Variants in MX2 observed in about 807,000 individuals in gnomAD.
MX2 encodes interferon-induced GTP-binding protein Mx2.
In MX2, 51 loss-of-function variants were observed where a neutral mutation model predicts 74.0. The ratio of observed to expected loss-of-function variants is 0.69; its 90% CI spans 0.55 to 0.87. The LOEUF (loss-of-function observed/expected upper bound fraction) is 0.87. Among genes scored for constraint, MX2 ranks in the 40% least tolerant of loss-of-function variants. The pLI, the probability that MX2 is intolerant of heterozygous loss-of-function variation, is 0.00. For missense variants in MX2, 832 were observed against 908.7 expected, an observed-to-expected ratio of 0.92 and a Z score of 1.09; for synonymous variants, 369 against 339.3, an observed-to-expected ratio of 1.09 and a Z score of -0.96.
At chr21:41,377,186 G>T (rs768163312) in intron 2 of MX2, 31 bp downstream of exon 2, 2 of 1,610,446 alleles carry the variant, frequency 1.2e-6, no homozygotes, top group South Asian at 1.1e-5. Context: ...TTCAGAAAGG[G>T]TGCATTCTGG....
rs573200002 is a variant in MX2, at chr21:41,363,570, G to A, written c.-72+1515G>A. Reference sequence around the variant, plus strand: ...ACAAGCGGTCTTAAAAAGAAAGGAGGTGAGCCCGGGGAGATAAGGTCGCAT... The same window carrying A: ...ACAAGCGGTCTTAAAAAGAAAGGAGATGAGCCCGGGGAGATAAGGTCGCAT... On this transcript the variant is annotated intron_variant, in intron 1 of 13. Transcript: ENST00000330714. The surrounding 1 kb of genome is among the most constrained non-coding windows in gnomAD (Gnocchi z 4.2). 1 of 153,970 alleles carries A rather than the reference G, an allele frequency of 6.5e-6. No homozygotes were observed. Among genetic ancestry groups the A allele is most frequent in the South Asian group, 2.0e-4 (1 of 4,880 alleles). 9.5% of individuals were successfully genotyped at this position (153,970 alleles called of 1,614,324 possible).
chr21:41,374,054 CGCCACACATGACA>C (rs1568932761), intron 1 of MX2: 1 of 152,510 alleles, frequency 6.6e-6, no homozygotes, highest in African/African-American at 2.4e-5. Flanking sequence ...CAGAGACCAG[CGCCACACATGACA>C]GCCACACATG....
intron 1 of MX2, 142 bp from the exon 2 acceptor site, chr21:41,376,694 G>A: frequency 1.6e-6 from 1 of 611,328 alleles, no homozygotes; most frequent in Non-Finnish European, 2.8e-6. Flanking sequence ...TGCAGACAGG[G>A]GCCCTGCACT....
At chr21:41,381,901 C>T (rs1290302268) in intron 4 of MX2, among the ~76,000 whole-genome samples, 2 of 152,150 alleles carry the variant, frequency 1.3e-5, no homozygotes, top group Non-Finnish European at 1.5e-5. Flanking sequence ...GTCCCTGTGA[C>T]ATGGCAGCCA....
Position 41,363,819 on chromosome 21 carries a change from G to A in MX2, c.-72+1764G>A, listed in dbSNP as rs928903777. 19 of 155,242 alleles carry A rather than the reference G, an allele frequency of 1.2e-4. No individual in the cohort carries two copies. Among genetic ancestry groups the A allele is most frequent in the African/African-American group, 4.3e-4 (18 of 41,526 alleles). 9.6% of individuals were successfully genotyped at this position (155,242 alleles called of 1,614,324 possible). On this transcript the variant is annotated intron_variant, in intron 1 of 13. Transcript: ENST00000330714. This position sits in a 1 kb window ranked among gnomAD's most constrained non-coding sequence, Gnocchi z 4.2. ...CACAGCCATTTCCATCCTTCCCAGG[G>A]GTGCTTACGTGATCCTGGCAGTCTC...
chr21:41,397,594 A>C lies in MX2; in HGVS notation c.1071-19A>C. 1 of 1,610,342 alleles carries C rather than the reference A, an allele frequency of 6.2e-7. No homozygotes were observed. Among genetic ancestry groups the C allele is most frequent in the East Asian group, 2.2e-5 (1 of 44,860 alleles). On this transcript the variant is annotated intron_variant, in intron 7 of 13. Transcript: ENST00000330714. ...TACACAAGTCCTTCCTGAATGCATG[A>C]ATGTCTGTCTCATTTCAGAGTTCTC...
In MX2 at chr21:41,408,097, A is replaced by G. The variant is rs1455741177; in HGVS notation, c.2012A>G (p.Glu671Gly). The G allele has an allele frequency of 3.1e-6, 5 of 1,614,076 alleles. No individual in the cohort carries two copies. The highest frequency in any genetic ancestry group is 1.1e-5 in the South Asian group (1 of 91,082). Residue 671 changes from glutamate to glycine, a missense_variant, in exon 14 of 14, where the codon GAA becomes GGA. Coordinates refer to ENST00000330714, the MANE Select transcript of MX2 (RefSeq NM_002463.2). ...AAAGCCATGATGCAGATACTACAGGAAAAAAATCGCTATTCCTGGCTGCTT... is the reference window on the plus strand; with the variant it reads ...AAAGCCATGATGCAGATACTACAGGGAAAAAATCGCTATTCCTGGCTGCTT... ...LQKAMMQILQ[E>G]KNRYSWLLQE... is the part of the protein sequence containing the mutation.
chr21:41,398,913 T>A lies in MX2; in HGVS notation c.1166T>A (p.Leu389Ter). The A allele has an allele frequency of 6.2e-7, 1 of 1,613,342 alleles. No homozygotes were observed. The highest frequency in any genetic ancestry group is 8.5e-7 in the Non-Finnish European group (1 of 1,179,434). Reference sequence around the variant, plus strand: ...TTTGTTTAGAAATCGCTCCCGTTGTTAGAAGGACAAATAAGGGAGAGCCAC... The same window carrying A: ...TTTGTTTAGAAATCGCTCCCGTTGTAAGAAGGACAAATAAGGGAGAGCCAC... ...IMHIQKSLPL[L>*]EGQIRESHQK... The change falls in exon 9 of 14, where the codon TTA becomes TAA. Residue 389 changes from leucine (L) to a stop codon, truncating the protein, a stop_gained. Transcript: ENST00000330714. LOFTEE classifies it high-confidence loss of function.
At chr21:41,375,552 C>T (rs1272270483) in intron 1 of MX2, among the ~76,000 whole-genome samples, 1 of 152,236 alleles carries the variant, frequency 6.6e-6, no homozygotes, top group African/African-American at 2.4e-5. Context: ...ATTCCCTGGC[C>T]TGGGCTGCAG....
chr21:41,385,872 GA>G (rs1488572999), intron 5 of MX2, among the ~76,000 whole-genome samples: 4 of 152,012 alleles, frequency 2.6e-5, no homozygotes, highest in African/African-American at 9.7e-5. Context: ...GAATAATAAT[GA>G]AAAAGTTGGA....
chr21:41,405,064 T>G (rs929246663), intron 12 of MX2, among the ~76,000 whole-genome samples: 3 of 151,996 alleles, frequency 2.0e-5, no homozygotes, highest in Non-Finnish European at 4.4e-5. Flanking sequence ...ATCCTAGCAC[T>G]TTGGGAGGCC....
At chr21:41,393,701 C>T (rs2089694966) in intron 6 of MX2, among the ~76,000 whole-genome samples, 1 of 147,830 alleles carries the variant, frequency 6.8e-6, no homozygotes, top group South Asian at 2.2e-4. Flanking sequence ...GGTTTGTAAT[C>T]CCATCTACAT....
At chr21:41,378,143 G>A (rs2089434950) in intron 3 of MX2, among the ~76,000 whole-genome samples, 162 bp downstream of exon 3, 1 of 143,886 alleles carries the variant, frequency 6.9e-6, no homozygotes, top group South Asian at 2.2e-4. Context: ...AGGCCACTGG[G>A]AGAGACAGGC....
rs9976110 is a variant in MX2 at position 41,409,011 on chromosome 21, G to T, written c.*778G>T. 6.6e-6 allele frequency: 1 copy of T among 152,240 alleles called. No individual in the cohort carries two copies. The highest frequency in any genetic ancestry group is 1.5e-5 in the Non-Finnish European group (1 of 68,064). 9.4% of individuals were successfully genotyped at this position (152,240 alleles called of 1,614,324 possible). A position where few individuals can be genotyped will look rare whatever the true frequency, so the allele number is the denominator to read the frequency against. The stretch of plus-strand genomic sequence containing the variant: ...AGACTGAAGCAGAAGGATCACTTGA[G>T]CCCAGGAGTTCAAGACCAGACTGGG... On this transcript the variant is annotated 3_prime_UTR_variant, in exon 14 of 14. Coordinates refer to ENST00000330714, the MANE Select transcript of MX2 (RefSeq NM_002463.2).
At position 41,380,200 on chromosome 21, in the gene MX2, C is replaced by T. The variant is rs1316846417; in HGVS notation, c.577+49C>T. On this transcript the variant is annotated intron_variant, in intron 4 of 13. Coordinates refer to ENST00000330714, the MANE Select transcript of MX2 (RefSeq NM_002463.2). The surrounding 1 kb of genome is among the most constrained non-coding windows in gnomAD (Gnocchi z 4.3). ...TCGGATCTGGCAGCCGCTCCTCTCA[C>T]TTCCTCGGTTCCTTCTCCTCTTCCT... 1 of 1,610,182 alleles carries T rather than the reference C, an allele frequency of 6.2e-7. No individual in the cohort carries two copies. Among genetic ancestry groups the T allele is most frequent in the Admixed American group, 1.7e-5 (1 of 59,810 alleles).
intron 6 of MX2, among the ~76,000 whole-genome samples, chr21:41,391,574 G>A (rs571142292): frequency 2.9e-4 from 44 of 152,110 alleles, no homozygotes; most frequent in African/African-American, 9.9e-4. Flanking sequence ...TAGAGACGGG[G>A]TTTCACTGTG....
At chr21:41,407,944 C>T (rs1273700728) in intron 13 of MX2, 47 bp from the exon 14 acceptor site, 14 of 1,609,290 alleles carry the variant, frequency 8.7e-6, no homozygotes, top group African/African-American at 1.3e-5. Context: ...AACCACAGGC[C>T]TTGGGCTGAG....
chr21:41,390,777 G>A (rs1268805119), intron 6 of MX2, 74 bp downstream of exon 6: 44 of 1,529,286 alleles, frequency 2.9e-5, no homozygotes, highest in East Asian at 2.1e-4. Context: ...AGGCCAAGAC[G>A]GGCGGATCAC....
At chr21:41,385,255 C>A (rs1257471038) in intron 5 of MX2, among the ~76,000 whole-genome samples, 1 of 152,194 alleles carries the variant, frequency 6.6e-6, no homozygotes. Flanking sequence ...AAGAAACATG[C>A]AACTTTTCCT....
Sources: gnomAD v4.1 joint callset for allele counts (sites outside exome capture counted in the v4.1 genomes callset) on GRCh38, gnomAD v4.1.1 for gene constraint, Gnocchi (gnomAD v3.1) non-coding constraint, MANE v1.5 for transcripts, NCBI Gene and HGNC (gene_info 2026-07-23, HGNC 2026-07-21) for gene names.